The following CCDC175 variants were observed in gnomAD, a reference collection of about 807,000 sequenced individuals.
CCDC175 encodes coiled-coil domain-containing protein 175.
Under a neutral mutation model 114.6 loss-of-function variants are expected in CCDC175, and 100 were observed. The observed-to-expected ratio is 0.87, with a 90% CI of 0.74 to 1.03. The LOEUF is 1.03. Among genes scored for constraint, CCDC175 ranks in the 50% least tolerant of loss-of-function variants. CCDC175 has a pLI of 0.00. For missense variants in CCDC175, 880 were observed against 917.8 expected (o/e 0.96, Z 0.53); for synonymous variants, 306 against 308.7 (o/e 0.99, Z 0.09).
intron 17 of CCDC175, among the ~76,000 whole-genome samples, chr14:59,514,168 G>A (rs933173154): frequency 4.5e-4 from 69 of 152,276 alleles, no homozygotes; most frequent in Non-Finnish European, 7.5e-4. Context: ...CCATCTGTAC[G>A]TCACCATCAT....
At chr14:59,575,878 A>C (rs557336388) in intron 1 of CCDC175, among the ~76,000 whole-genome samples, 2 of 152,322 alleles carry the variant, frequency 1.3e-5, no homozygotes, top group South Asian at 2.1e-4. Context: ...AGCGCATTTA[A>C]GAAGGAAAAT....
rs1248703811 is a variant in CCDC175, at chr14:59,521,655, T to A, written c.2017A>T (p.Asn673Tyr). Residue 673 changes from asparagine (N) to tyrosine (Y), a missense_variant, in exon 17 of 20, where the codon AAC (asparagine) becomes TAC (tyrosine). Transcript: ENST00000537690. ...TGTCCTTCTCTGTATTTCTCTATGT[T>A]ATTCTTCAAGTATAAAATATACTGA... Reference protein sequence around the residue: ...LKEYILYLKNNIEKYREGQEA... With the variant: ...LKEYILYLKNYIEKYREGQEA... 6.5e-7 allele frequency: 1 copy of A among 1,527,414 alleles called. No homozygotes were observed. The highest frequency in any genetic ancestry group is 8.8e-7 in the Non-Finnish European group (1 of 1,138,144). The allele number at this position is 1,527,414 out of a possible 1,614,324, so 94.6% of individuals were successfully genotyped here.
At chr14:59,563,167 C>T (rs533311124) in intron 6 of CCDC175, among the ~76,000 whole-genome samples, 154 of 152,248 alleles carry the variant, frequency 1.0e-3, no homozygotes, top group African/African-American at 3.6e-3. Flanking sequence ...CCTCCATAAG[C>T]TTATGTTTTC....
Position 59,510,799 on chromosome 14 carries a change from C to T in CCDC175, c.2152G>A (p.Asp718Asn). The change falls in exon 19 of 20, where the codon GAC becomes AAC. Residue 718 changes from aspartate (D) to asparagine (N), a missense_variant. Transcript: ENST00000537690. The stretch of plus-strand genomic sequence containing the variant: ...TCTTGCAAGGTCTCTTCACCATTGT[C>T]CACCAAGATCTAAAGAAATGGCATT... ...EFQTTVKILV[D>N]NGEETLQDIN... The T allele has an allele frequency of 1.3e-6, 2 of 1,536,082 alleles. No individual in the cohort carries two copies. Among genetic ancestry groups the T allele is most frequent in the Middle Eastern group, 1.7e-4 (1 of 5,982 alleles).
intron 14 of CCDC175, among the ~76,000 whole-genome samples, chr14:59,530,359 T>C (rs575295801): frequency 5.0e-4 from 72 of 142,748 alleles, no homozygotes; most frequent in African/African-American, 1.9e-3. Context: ...AGAGTGAGAC[T>C]CCATCTCAAA....
At chr14:59,508,178 G>A (rs1003021431) in intron 19 of CCDC175, among the ~76,000 whole-genome samples, 1 of 151,960 alleles carries the variant, frequency 6.6e-6, no homozygotes, top group East Asian at 1.9e-4. Context: ...AAAGTTCAGG[G>A]CACTTGTCCA....
At chr14:59,556,482 G>T (rs186441917) in intron 7 of CCDC175, among the ~76,000 whole-genome samples, 1 of 152,028 alleles carries the variant, frequency 6.6e-6, no homozygotes, top group African/African-American at 2.4e-5. Flanking sequence ...AAAGACTTAA[G>T]TCTTAGACCT....
intron 19 of CCDC175, among the ~76,000 whole-genome samples, chr14:59,507,396 T>A (rs1892491002): frequency 6.6e-6 from 1 of 152,250 alleles, no homozygotes; most frequent in South Asian, 2.1e-4. Flanking sequence ...GTTCAGGGCC[T>A]GGAGTTTATT....
intron 8 of CCDC175, among the ~76,000 whole-genome samples, chr14:59,547,076 G>C (rs985753801): frequency 2.0e-4 from 31 of 151,996 alleles, no homozygotes; most frequent in Non-Finnish European, 3.4e-4. Context: ...TAGGACAAAA[G>C]AAACAGGTGA....
intron 5 of CCDC175, chr14:59,564,346 A>AAAGAAT: frequency 1.3e-5 from 2 of 153,034 alleles, no homozygotes. Context: ...GTAATCCTGG[A>AAAGAAT]AAACTTCTTA....
chr14:59,533,758 G>A lies in CCDC175; in HGVS notation c.1624-1848C>T, dbSNP rs1280959242. 6.6e-5 allele frequency among the ~76,000 whole-genome samples: 10 copies of A among 152,128 alleles called. No individual in the cohort carries two copies. The East Asian group carries it at 1.9e-3, about 29-fold the overall frequency. ...AATCCCAGCACTTTGGGAGGCAGAG[G>A]CGGGCAGATCACAAGGTCAGGAGAT... On this transcript the variant is annotated intron_variant, in intron 13 of 19. Coordinates refer to ENST00000537690, the MANE Select transcript of CCDC175 (RefSeq NM_001164399.2).
intron 18 of CCDC175, 124 bp from the exon 19 acceptor site, chr14:59,510,932 A>G (rs890052701): frequency 1.2e-6 from 1 of 841,836 alleles, no homozygotes; most frequent in African/African-American, 1.7e-5. Context: ...AGTCATAAAA[A>G]TAAGTGCTTG....
intron 7 of CCDC175, among the ~76,000 whole-genome samples, chr14:59,552,874 A>AG (rs140442557): frequency 0.58 from 88,608 of 151,948 alleles, 26,750 homozygotes; most frequent in East Asian, 0.83. Context: ...CAGTGATTGA[A>AG]ATCAAATGAA....
rs74610741 is a variant in CCDC175, at chr14:59,527,931, C to G, written c.1763-757G>C. Among the ~76,000 whole-genome samples the G allele has an allele frequency of 7.3e-3, 1,107 of 152,090 alleles. 13 individuals are homozygous for G. Among genetic ancestry groups the G allele is most frequent in the African/African-American group, 0.025 (1,045 of 41,508 alleles). On this transcript the variant is annotated intron_variant, in intron 14 of 19. Coordinates refer to ENST00000537690, the MANE Select transcript of CCDC175 (RefSeq NM_001164399.2). ...TTCTTTTTTTAAAGGTTTTATTCAA[C>G]CAGAACCCTTTGTATTATTCTTATG...
chr14:59,531,225 A>T (rs544070856), intron 14 of CCDC175, among the ~76,000 whole-genome samples: 3 of 152,298 alleles, frequency 2.0e-5, no homozygotes, highest in African/African-American at 7.2e-5. Flanking sequence ...TTTTTATATT[A>T]AACATGCATG....
At chr14:59,551,458 C>T in intron 7 of CCDC175, 22 bp from the exon 8 acceptor site, 2 of 1,236,354 alleles carry the variant, frequency 1.6e-6, no homozygotes, top group Middle Eastern at 2.6e-4. Context: ...GGAAGCCAAA[C>T]AGATTCATAT....
chr14:59,545,732 T>C (rs535754364), intron 8 of CCDC175, among the ~76,000 whole-genome samples: 3 of 152,328 alleles, frequency 2.0e-5, no homozygotes, highest in South Asian at 4.1e-4. Context: ...TACCCACCAG[T>C]GTTCTACATG....
chr14:59,518,633 A>G (rs956494024), intron 17 of CCDC175, among the ~76,000 whole-genome samples: 1 of 152,248 alleles, frequency 6.6e-6, no homozygotes, highest in African/African-American at 2.4e-5. Flanking sequence ...ATCTCACACC[A>G]GTTAGAATGG....
chr14:59,552,701 G>C (rs1362483637), intron 7 of CCDC175, among the ~76,000 whole-genome samples: 4 of 152,130 alleles, frequency 2.6e-5, no homozygotes. Flanking sequence ...TCATCACAAA[G>C]AAGCTAAAAA....
Sources: allele counts gnomAD v4.1 joint callset (sites outside exome capture counted in the v4.1 genomes callset), GRCh38; gene constraint gnomAD v4.1.1; transcripts MANE v1.5; gene names NCBI Gene and HGNC (gene_info 2026-07-23, HGNC 2026-07-21).